Variants in PDE4D observed in about 807,000 individuals in gnomAD.
PDE4D encodes the protein phosphodiesterase 4D.
In PDE4D, 24 loss-of-function variants were observed where a neutral mutation model predicts 87.4. The ratio of observed to expected loss-of-function variants is 0.27; its 90% confidence interval spans 0.20 to 0.39. The LOEUF (loss-of-function observed/expected upper bound fraction) is 0.39. Ranked by LOEUF, PDE4D falls within the 10% of genes least tolerant of loss-of-function variation. The pLI is 1.00. For synonymous variants in PDE4D, 384 were observed against 383.2 expected (o/e 1.00, Z -0.02); for missense variants, 714 against 1,041.0 (o/e 0.69, Z 4.32).
rs150961704 is a variant in PDE4D, at chr5:59,402,051, G to A, written c.456-186083C>T. ...ATTCAAAATCTGCAAGGAATGGCCT[G>A]GGGCATGATAATTCTGAGAGACAAG... On this transcript the variant is annotated intron_variant, in intron 1 of 14. Coordinates refer to ENST00000340635, the MANE Select transcript of PDE4D (RefSeq NM_001104631.2). Among the ~76,000 whole-genome samples the A allele has an allele frequency of 1.2e-3, 183 of 152,298 alleles. 1 individual carries two copies. The highest frequency in any genetic ancestry group is 4.1e-3 in the African/African-American group (172 of 41,566).
intron 1 of PDE4D, among the ~76,000 whole-genome samples, chr5:59,682,887 A>G (rs1749256443): frequency 6.6e-6 from 1 of 152,208 alleles, no homozygotes; most frequent in African/African-American, 2.4e-5. Context: ...AAAAATATAA[A>G]TGTCATGAAA....
At chr5:60,132,575 C>G (rs1779676369) in intron 2 of PDE4D, among the ~76,000 whole-genome samples, 1 of 152,124 alleles carries the variant, frequency 6.6e-6, no homozygotes, top group Non-Finnish European at 1.5e-5. Context: ...CAATCATACT[C>G]AGTCATTCAT....
intron 1 of PDE4D, among the ~76,000 whole-genome samples, chr5:60,274,051 G>A (rs961522663): frequency 3.9e-5 from 6 of 152,254 alleles, no homozygotes; most frequent in South Asian, 2.1e-4. Context: ...ACCTTAAAAG[G>A]GAGGAAGCTG....
At chr5:60,097,894 G>A (rs902461040) in intron 2 of PDE4D, among the ~76,000 whole-genome samples, 7 of 151,932 alleles carry the variant, frequency 4.6e-5, no homozygotes, top group African/African-American at 7.2e-5. Context: ...GTAGGCTAAC[G>A]GGGATAAAAA....
intron 1 of PDE4D, among the ~76,000 whole-genome samples, chr5:59,595,242 T>C (rs963454546): frequency 6.6e-6 from 1 of 152,154 alleles, no homozygotes; most frequent in African/African-American, 2.4e-5. Flanking sequence ...GACAATCTAT[T>C]TATAAAATCT....
At chr5:60,002,035 A>G (rs925199704) in intron 2 of PDE4D, among the ~76,000 whole-genome samples, 5 of 152,012 alleles carry the variant, frequency 3.3e-5, no homozygotes, top group African/African-American at 1.2e-4. Context: ...AATGGCAGTA[A>G]TAACTCCTTA....
chr5:60,318,269 G>C (rs910560946), intron 1 of PDE4D, among the ~76,000 whole-genome samples: 3 of 152,098 alleles, frequency 2.0e-5, no homozygotes, highest in Admixed American at 6.5e-5. Context: ...GATCTTTGTT[G>C]GTTTAAAGTC....
chr5:59,083,241 C>A (rs1561453690), intron 5 of PDE4D, among the ~76,000 whole-genome samples: 1 of 150,818 alleles, frequency 6.6e-6, no homozygotes. Context: ...TTGAAAGATC[C>A]TTTTTTTTTG....
At chr5:59,242,606 C>T (rs979518226) in intron 1 of PDE4D, among the ~76,000 whole-genome samples, 9 of 152,126 alleles carry the variant, frequency 5.9e-5, no homozygotes, top group Admixed American at 6.6e-5. Context: ...TTTACATTTT[C>T]CAATGCAGGA....
intron 1 of PDE4D, among the ~76,000 whole-genome samples, chr5:59,438,043 C>T (rs1036428787): frequency 6.6e-5 from 10 of 152,140 alleles, no homozygotes; most frequent in Admixed American, 1.3e-4. Context: ...CTCACTATCA[C>T]GACAGCTGCA....
chr5:59,255,724 G>A (rs961800425), intron 1 of PDE4D, among the ~76,000 whole-genome samples: 3 of 152,046 alleles, frequency 2.0e-5, no homozygotes, highest in African/African-American at 4.8e-5. Flanking sequence ...TTTAAAAAGG[G>A]AGGAAGAGAA....
intron 6 of PDE4D, among the ~76,000 whole-genome samples, chr5:59,005,040 T>C (rs1391360980): frequency 6.6e-6 from 1 of 152,204 alleles, no homozygotes; most frequent in Non-Finnish European, 1.5e-5. Flanking sequence ...CTGATGCAGA[T>C]GCAAAACATC....
chr5:59,199,039 AT>A (rs1386552267), intron 2 of PDE4D, among the ~76,000 whole-genome samples: 1 of 152,212 alleles, frequency 6.6e-6, no homozygotes, highest in Non-Finnish European at 1.5e-5. Context: ...CTGTTTTACT[AT>A]TACGAAATCA....
intron 1 of PDE4D, among the ~76,000 whole-genome samples, chr5:59,401,470 A>ATCTG (rs1395191079): frequency 2.8e-4 from 19 of 67,334 alleles, no homozygotes; most frequent in East Asian, 5.5e-4. Context: ...CTATCTATCT[A>ATCTG]TCTATCTATC....
intron 1 of PDE4D, among the ~76,000 whole-genome samples, chr5:59,727,379 C>G (rs1448003602): frequency 6.6e-6 from 1 of 152,032 alleles, no homozygotes; most frequent in Non-Finnish European, 1.5e-5. Context: ...CAATACGCCT[C>G]AGGGAAAATA....
chr5:59,306,306 G>A (rs1309593178), intron 1 of PDE4D, among the ~76,000 whole-genome samples: 1 of 152,126 alleles, frequency 6.6e-6, no homozygotes, highest in East Asian at 1.9e-4. Flanking sequence ...GTCTCCTGAA[G>A]GCAGCAGATA....
At chr5:59,430,333 G>A (rs1795922812) in intron 1 of PDE4D, 5 of 1,231,178 alleles carry the variant, frequency 4.1e-6, no homozygotes, top group Admixed American at 4.2e-5. Context: ...CATGTTGATC[G>A]CGTATGGTGA....
intron 1 of PDE4D, among the ~76,000 whole-genome samples, chr5:60,479,112 C>A (rs1421979204): frequency 6.6e-6 from 1 of 152,042 alleles, no homozygotes; most frequent in Non-Finnish European, 1.5e-5. Flanking sequence ...AGTTCAAGAT[C>A]CTTTTCTGTA....
Position 59,893,467 on chromosome 5 carries a change from A to T in PDE4D, c.156T>A (p.His52Gln). The stretch of plus-strand genomic sequence containing the variant: ...GCGGCGGGGGCAGGTGGTGATGGGG[A>T]TGCAGGAGGCGGAACTGGGGCTGCC... ...PLRQPQFRLL[H>Q]PHHHLPPPPP... Residue 52 changes from histidine to glutamine, a missense_variant, in exon 1 of 15, where the codon CAT becomes CAA. Transcript: ENST00000340635. The T allele has an allele frequency of 6.5e-7, 1 of 1,532,996 alleles. No individual in the cohort carries two copies. Among genetic ancestry groups the T allele is most frequent in the South Asian group, 1.2e-5 (1 of 82,192 alleles). The allele number at this position is 1,532,996 out of a possible 1,614,324, so 95.0% of individuals were successfully genotyped here. A position where few individuals can be genotyped will look rare whatever the true frequency, so the allele number is the denominator to read the frequency against.
Sources: gnomAD v4.1 joint callset for allele counts (sites outside exome capture counted in the v4.1 genomes callset) on GRCh38, gnomAD v4.1.1 for gene constraint, MANE v1.5 for transcripts, NCBI Gene and HGNC (gene_info 2026-07-23, HGNC 2026-07-21) for gene names.